The following CFAP299 variants were observed in gnomAD, a reference collection of about 807,000 sequenced individuals.
The protein encoded by CFAP299 is cilia and flagella associated protein 299, also known as cilia- and flagella-associated protein 299.
CFAP299 carries 21 observed loss-of-function variants against 27.0 expected under a neutral mutation model. That is an observed-to-expected ratio of 0.78 (90% CI 0.55 to 1.12). The LOEUF is 1.12. Ranked by LOEUF, CFAP299 falls within the 50% of genes most tolerant of loss-of-function variation. CFAP299 has a pLI of 0.00. For missense variants in CFAP299, 310 were observed against 276.6 expected, an observed-to-expected ratio of 1.12 and a Z score of -0.86; for synonymous variants, 104 against 98.1, an observed-to-expected ratio of 1.06 and a Z score of -0.36.
intron 3 of CFAP299, among the ~76,000 whole-genome samples, chr4:80,591,980 C>G (rs1297816840): frequency 6.6e-6 from 1 of 152,166 alleles, no homozygotes; most frequent in Non-Finnish European, 1.5e-5. Flanking sequence ...AAGAAACTTT[C>G]AAAAACATTG....
At chr4:80,820,066 T>C (rs1327158253) in intron 3 of CFAP299, among the ~76,000 whole-genome samples, 2 of 152,162 alleles carry the variant, frequency 1.3e-5, no homozygotes, top group Non-Finnish European at 2.9e-5. Flanking sequence ...GAAACAAATA[T>C]TGCTTTCCTT....
intron 2 of CFAP299, among the ~76,000 whole-genome samples, chr4:80,399,443 A>C (rs942335919): frequency 2.0e-5 from 3 of 152,180 alleles, no homozygotes; most frequent in Non-Finnish European, 4.4e-5. Flanking sequence ...AACCAACCCA[A>C]ATGTCCATCA....
chr4:80,800,029 T>A (rs1176630330), intron 3 of CFAP299, among the ~76,000 whole-genome samples: 1 of 54,528 alleles, frequency 1.8e-5, no homozygotes, highest in Admixed American at 3.4e-4. Flanking sequence ...ATATTATATA[T>A]AATATATAAT....
intron 3 of CFAP299, among the ~76,000 whole-genome samples, chr4:80,707,254 G>C (rs78298734): frequency 6.6e-6 from 1 of 151,676 alleles, no homozygotes; most frequent in Non-Finnish European, 1.5e-5. Context: ...TATTTTTGTC[G>C]GGCCCATGAG....
chr4:80,642,786 AT>A (rs953736965), intron 3 of CFAP299, among the ~76,000 whole-genome samples: 6 of 151,938 alleles, frequency 3.9e-5, no homozygotes, highest in Non-Finnish European at 4.4e-5. Context: ...AAAGTAAAAA[AT>A]TTTTTTCAGC....
intron 3 of CFAP299, among the ~76,000 whole-genome samples, chr4:80,854,843 AAG>A: frequency 1.3e-5 from 2 of 149,142 alleles, no homozygotes; most frequent in African/African-American, 2.4e-5. Flanking sequence ...AAAAACAGAA[AAG>A]GAAAATTGGG....
intron 4 of CFAP299, among the ~76,000 whole-genome samples, chr4:80,878,103 T>A (rs183073613): frequency 2.0e-5 from 3 of 152,166 alleles, no homozygotes; most frequent in Non-Finnish European, 4.4e-5. Context: ...GTCCAAAATG[T>A]ATTATAGCTA....
At chr4:80,850,608 G>A (rs950595518) in intron 3 of CFAP299, among the ~76,000 whole-genome samples, 3 of 152,104 alleles carry the variant, frequency 2.0e-5, no homozygotes, top group African/African-American at 7.2e-5. Context: ...AGAGGTGAGA[G>A]TGGTCCTAGA....
At chr4:80,362,731 C>A (rs371584465) in intron 1 of CFAP299, 23 bp from the exon 2 acceptor site, 69 of 1,583,270 alleles carry the variant, frequency 4.4e-5, no homozygotes, top group Admixed American at 2.1e-4. Context: ...GCCCACTCAC[C>A]TAACAACTGA....
At chr4:80,390,750 T>C (rs866251727) in intron 2 of CFAP299, among the ~76,000 whole-genome samples, 33 of 117,384 alleles carry the variant, frequency 2.8e-4, no homozygotes, top group African/African-American at 4.1e-4. Context: ...TATGTATATA[T>C]ACACACATAT....
chr4:80,827,935 A>G (rs908167250), intron 3 of CFAP299, among the ~76,000 whole-genome samples: 1 of 152,056 alleles, frequency 6.6e-6, no homozygotes, highest in Non-Finnish European at 1.5e-5. Context: ...AATTAAGACA[A>G]TAGTTTTGTT....
chr4:80,628,152 A>G (rs1355240740), intron 3 of CFAP299, among the ~76,000 whole-genome samples: 1 of 152,160 alleles, frequency 6.6e-6, no homozygotes, highest in African/African-American at 2.4e-5. Context: ...GAGCAATTAA[A>G]CAATAGAGAG....
intron 3 of CFAP299, among the ~76,000 whole-genome samples, chr4:80,657,973 A>G (rs914369788): frequency 3.3e-5 from 5 of 151,868 alleles, no homozygotes; most frequent in Admixed American, 6.6e-5. Flanking sequence ...ATGCCTAGGT[A>G]TTTTATTCTC....
intron 3 of CFAP299, among the ~76,000 whole-genome samples, chr4:80,812,492 A>T (rs188880103): frequency 6.6e-6 from 1 of 152,268 alleles, no homozygotes; most frequent in East Asian, 1.9e-4. Flanking sequence ...GAAGCACTAA[A>T]CTGTATTATG....
intron 3 of CFAP299, among the ~76,000 whole-genome samples, chr4:80,705,479 C>T (rs939014876): frequency 2.0e-5 from 3 of 151,806 alleles, no homozygotes; most frequent in Admixed American, 6.6e-5. Flanking sequence ...AACCCTGTCA[C>T]GTGGCCAAAT....
At chr4:80,466,851 G>A (rs1344087558) in intron 2 of CFAP299, among the ~76,000 whole-genome samples, 1 of 152,152 alleles carries the variant, frequency 6.6e-6, no homozygotes, top group African/African-American at 2.4e-5. Context: ...CATAGATAGT[G>A]TCAGAGCAAG....
At chr4:80,409,725 G>C (rs558524434) in intron 2 of CFAP299, among the ~76,000 whole-genome samples, 84 of 152,146 alleles carry the variant, frequency 5.5e-4, no homozygotes, top group Non-Finnish European at 1.0e-3. Flanking sequence ...GGAATTATTT[G>C]AAGCACCTGA....
At chr4:80,626,244 T>A (rs1189173481) in intron 3 of CFAP299, among the ~76,000 whole-genome samples, 1 of 151,892 alleles carries the variant, frequency 6.6e-6, no homozygotes, top group African/African-American at 2.4e-5. Context: ...GAGGAGACAC[T>A]TTGGAAAATT....
Position 80,573,936 on chromosome 4 carries a change from A to G in CFAP299, c.243-9157A>G, listed in dbSNP as rs1025648017. Reference sequence around the variant, plus strand: ...CCTTTTACTTAGGATAGCTTTGGCTATTCTGGGTCTTTTGTGGTTCCATAT... The same window carrying G: ...CCTTTTACTTAGGATAGCTTTGGCTGTTCTGGGTCTTTTGTGGTTCCATAT... On this transcript the variant is annotated intron_variant, in intron 2 of 5. Coordinates refer to ENST00000358105, the MANE Select transcript of CFAP299 (RefSeq NM_152770.3). Among the ~76,000 whole-genome samples, 3 of 152,084 alleles carry G rather than the reference A, an allele frequency of 2.0e-5. No homozygotes were observed. The South Asian group carries it at 6.2e-4, about 31-fold the overall frequency.
Sources: allele counts gnomAD v4.1 joint callset (sites outside exome capture counted in the v4.1 genomes callset), GRCh38; gene constraint gnomAD v4.1.1; transcripts MANE v1.5; gene names NCBI Gene and HGNC (gene_info 2026-07-23, HGNC 2026-07-21).